The following CNGA3 variants were observed in gnomAD, a reference collection of about 807,000 sequenced individuals.
The protein encoded by CNGA3 is cyclic nucleotide-gated channel alpha-3.
A neutral mutation model predicts 46.6 loss-of-function variants in CNGA3; 42 were observed. The ratio of observed to expected loss-of-function variants is 0.90; its 90% confidence interval spans 0.70 to 1.17. The LOEUF (loss-of-function observed/expected upper bound fraction) is 1.17. CNGA3 is among the 50% of genes most tolerant of loss of function. The pLI is 0.00. For synonymous variants in CNGA3, 394 were observed against 369.4 expected (o/e 1.07, Z -0.76); for missense variants, 893 against 890.7 (o/e 1.00, Z -0.03).
chr2:98,352,620 C>T (rs544518942), intron 1 of CNGA3, among the ~76,000 whole-genome samples: 13 of 152,084 alleles, frequency 8.5e-5, no homozygotes, highest in East Asian at 1.9e-4. Context: ...TGTCTGTGAG[C>T]GAGTTTCCAG....
chr2:98,365,017 G>C (rs2104159790), intron 1 of CNGA3, among the ~76,000 whole-genome samples: 1 of 151,732 alleles, frequency 6.6e-6, no homozygotes, highest in South Asian at 2.1e-4. Context: ...TAGGTGACCT[G>C]GCCTTTCTCT....
intron 7 of CNGA3, among the ~76,000 whole-genome samples, chr2:98,392,569 AAAAAAAAAAGAAAAGAAAAGAAAAG>A (rs1245815585): frequency 1.4e-5 from 2 of 147,350 alleles, no homozygotes; most frequent in Non-Finnish European, 3.0e-5. Flanking sequence ...TCAAAAAAAG[AAAAAAAAAAGAAAAGAAAAGAAAAG>A]AAAAAAAAAG....
intron 1 of CNGA3, among the ~76,000 whole-genome samples, chr2:98,363,487 T>A (rs1255164445): frequency 3.9e-5 from 6 of 152,204 alleles, no homozygotes; most frequent in Non-Finnish European, 7.3e-5. Context: ...GACTTTTGTA[T>A]CCTGACACTT....
At position 98,363,483 on chromosome 2, in the gene CNGA3, T is replaced by C. The variant is rs371512675; in HGVS notation, c.-37-6456T>C. 1.1e-4 allele frequency among the ~76,000 whole-genome samples: 16 copies of C among 152,330 alleles called. No individual in the cohort carries two copies. The East Asian group carries it at 2.5e-3, about 24-fold the overall frequency. On this transcript the variant is annotated intron_variant, in intron 1 of 7. Coordinates refer to ENST00000272602, the MANE Select transcript of CNGA3 (RefSeq NM_001298.3). ...GATGTATAGGAATGCTTGTGACTTT[T>C]GTATCCTGACACTTTGCTGAGGTTG...
chr2:98,358,935 A>C (rs1691956334), intron 1 of CNGA3, among the ~76,000 whole-genome samples: 1 of 152,218 alleles, frequency 6.6e-6, no homozygotes, highest in Non-Finnish European at 1.5e-5. Flanking sequence ...ACTGTAGCCC[A>C]AATATCTAAA....
At chr2:98,347,079 G>C (rs957457092) in intron 1 of CNGA3, 4 of 152,328 alleles carry the variant, frequency 2.6e-5, no homozygotes, top group African/African-American at 9.6e-5. Flanking sequence ...GGGGGAGGTT[G>C]AGTCAGTGGC....
At chr2:98,381,271 C>G (rs1558813443) in intron 4 of CNGA3, among the ~76,000 whole-genome samples, 1 of 152,248 alleles carries the variant, frequency 6.6e-6, no homozygotes, top group Middle Eastern at 3.4e-3. Flanking sequence ...CAGGTGGCTT[C>G]TCACCCAGAA....
chr2:98,362,057 A>G (rs1692046724), intron 1 of CNGA3, among the ~76,000 whole-genome samples: 1 of 151,468 alleles, frequency 6.6e-6, no homozygotes, highest in African/African-American at 2.4e-5. Flanking sequence ...ATGGTATGTC[A>G]TCGTGGTTTT....
At chr2:98,385,827 G>GTTT (rs1692642285) in intron 5 of CNGA3, among the ~76,000 whole-genome samples, 1 of 152,148 alleles carries the variant, frequency 6.6e-6, no homozygotes, top group Non-Finnish European at 1.5e-5. Context: ...AGGCAAAGGG[G>GTTT]GAGCAAGGAG....
At chr2:98,369,326 A>T (rs756908996) in intron 1 of CNGA3, among the ~76,000 whole-genome samples, 7 of 152,230 alleles carry the variant, frequency 4.6e-5, no homozygotes, top group African/African-American at 1.7e-4. Context: ...TCTATCTTTC[A>T]TTGGACAAGC....
intron 3 of CNGA3, among the ~76,000 whole-genome samples, chr2:98,378,438 C>T (rs987641687): frequency 2.0e-5 from 3 of 152,218 alleles, no homozygotes; most frequent in Admixed American, 6.5e-5. Flanking sequence ...ACGGCAGGTG[C>T]TCAACAAACA....
intron 5 of CNGA3, among the ~76,000 whole-genome samples, chr2:98,388,421 T>G (rs1692708452): frequency 6.6e-6 from 1 of 152,098 alleles, no homozygotes; most frequent in South Asian, 2.1e-4. Flanking sequence ...CTGGGTATCT[T>G]GGAGCAACGC....
At chr2:98,350,211 G>T (rs955380192) in intron 1 of CNGA3, among the ~76,000 whole-genome samples, 1 of 152,188 alleles carries the variant, frequency 6.6e-6, no homozygotes, top group Admixed American at 6.5e-5. Context: ...GCTTCTTGGT[G>T]TATACCTTGG....
intron 4 of CNGA3, 29 bp from the exon 5 acceptor site, chr2:98,383,359 C>T (rs112874852): frequency 6.2e-7 from 1 of 1,611,104 alleles, no homozygotes. Flanking sequence ...AGAGTTCAGA[C>T]CCTTGATGTT....
Position 98,376,944 on chromosome 2 carries a change from C to T in CNGA3, c.102-743C>T, listed in dbSNP as rs566045365. Among the ~76,000 whole-genome samples the T allele has an allele frequency of 2.7e-3, 407 of 152,318 alleles. 2 individuals carry two copies. Among genetic ancestry groups the T allele is most frequent in the African/African-American group, 9.1e-3 (377 of 41,576 alleles). On this transcript the variant is annotated intron_variant, in intron 2 of 7. Coordinates refer to ENST00000272602, the MANE Select transcript of CNGA3 (RefSeq NM_001298.3). The stretch of plus-strand genomic sequence containing the variant: ...TGTGACTGGTGGTTGTATGGAGTTA[C>T]GGGCACCTGTCCTTTCTGGGGTCAC...
chr2:98,360,088 G>T (rs1021812182), intron 1 of CNGA3, among the ~76,000 whole-genome samples: 1 of 152,214 alleles, frequency 6.6e-6, no homozygotes, highest in Non-Finnish European at 1.5e-5. Flanking sequence ...CAATGACTTT[G>T]CACTCTCAGG....
rs1013072215 is a variant in CNGA3, at chr2:98,396,632, G to T, written c.1462G>T (p.Ala488Ser). ...KKVRIFQDCEAGLLVELVLKL... is the reference protein window; with the variant it reads ...KKVRIFQDCESGLLVELVLKL... ...GGTTCGCATCTTCCAGGACTGTGAG[G>T]CAGGGCTGCTGGTGGAGCTGGTGCT... The change falls in exon 8 of 8, where the codon GCA becomes TCA. Residue 488 changes from alanine to serine, a missense_variant. By Grantham distance (99) the Ala-to-Ser change is moderately conservative (BLOSUM62 1). Transcript: ENST00000272602. 1.2e-6 allele frequency: 2 copies of T among 1,614,046 alleles called. No homozygotes were observed. The highest frequency in any genetic ancestry group is 1.3e-5 in the African/African-American group (1 of 74,938).
At chr2:98,395,668 T>C (rs886954299) in intron 7 of CNGA3, among the ~76,000 whole-genome samples, 176 bp from the exon 8 acceptor site, 2 of 152,206 alleles carry the variant, frequency 1.3e-5, no homozygotes, top group African/African-American at 4.8e-5. Context: ...CCTCATAGAA[T>C]AGAAAATATC....
intron 7 of CNGA3, among the ~76,000 whole-genome samples, chr2:98,392,541 A>G (rs968703994): frequency 3.3e-5 from 5 of 151,914 alleles, no homozygotes; most frequent in Non-Finnish European, 7.4e-5. Flanking sequence ...AACCTGGGTG[A>G]CATAGCAACA....
Sources: gnomAD v4.1 joint callset for allele counts (sites outside exome capture counted in the v4.1 genomes callset) on GRCh38, gnomAD v4.1.1 for gene constraint, MANE v1.5 for transcripts, NCBI Gene and HGNC (gene_info 2026-07-23, HGNC 2026-07-21) for gene names.